CSMD1: variants seen among roughly 807,000 people sequenced by gnomAD.
The protein encoded by CSMD1 is CUB and sushi domain-containing protein 1.
A neutral mutation model predicts 417.5 loss-of-function variants in CSMD1; 213 were observed. That is an observed-to-expected ratio of 0.51 (90% CI 0.46 to 0.57). The LOEUF is 0.57. CSMD1 is among the 20% of genes least tolerant of loss of function. The pLI, the probability that CSMD1 is intolerant of heterozygous loss-of-function variation, is 0.00. For missense variants in CSMD1, 6,923 were observed against 4,529.7 expected, an observed-to-expected ratio of 1.53 and a Z score of -15.17; for synonymous variants, 2,862 against 1,736.8, an observed-to-expected ratio of 1.65 and a Z score of -16.11.
At position 4,869,645 on chromosome 8, in the gene CSMD1, C is replaced by T. The variant is rs912590009; in HGVS notation, c.85+124687G>A. Among the ~76,000 whole-genome samples the T allele has an allele frequency of 3.3e-5, 5 of 151,854 alleles. No individual in the cohort carries two copies. The East Asian group carries it at 9.6e-4, about 29-fold the overall frequency. ...TATGAATTTCTTCTTATATTCTCTGCTAATACAGATTTTTAAAAAACATTA... is the reference window on the plus strand; with the variant it reads ...TATGAATTTCTTCTTATATTCTCTGTTAATACAGATTTTTAAAAAACATTA... On this transcript the variant is annotated intron_variant, in intron 1 of 69. Coordinates refer to ENST00000635120, the MANE Select transcript of CSMD1 (RefSeq NM_033225.6).
intron 18 of CSMD1, among the ~76,000 whole-genome samples, chr8:3,383,150 A>C (rs7832316): frequency 0.48 from 72,964 of 152,048 alleles, 17,720 homozygotes; most frequent in Middle Eastern, 0.51. Context: ...TTAAAAGATA[A>C]ACATAAGTTT....
At chr8:4,186,832 C>T (rs1283954483) in intron 3 of CSMD1, among the ~76,000 whole-genome samples, 1 of 41,684 alleles carries the variant, frequency 2.4e-5, no homozygotes, top group Non-Finnish European at 5.5e-5. Context: ...ACTAAAAATA[C>T]AGAAAAAAAA....
At chr8:4,035,826 C>G (rs1010884193) in intron 3 of CSMD1, among the ~76,000 whole-genome samples, 3 of 152,062 alleles carry the variant, frequency 2.0e-5, no homozygotes, top group African/African-American at 7.2e-5. Context: ...ATTTAGTGTA[C>G]TCTAAGTGTA....
chr8:3,848,351 G>C (rs192333998), intron 5 of CSMD1, among the ~76,000 whole-genome samples: 6 of 151,940 alleles, frequency 3.9e-5, no homozygotes, highest in Non-Finnish European at 7.4e-5. Flanking sequence ...TTATTAAAGA[G>C]AGTAACTAGA....
intron 12 of CSMD1, among the ~76,000 whole-genome samples, chr8:3,409,967 C>T (rs1483210410): frequency 6.6e-6 from 1 of 152,160 alleles, no homozygotes; most frequent in Non-Finnish European, 1.5e-5. Context: ...CAACTATGTG[C>T]TTTTTGCTAT....
At chr8:3,005,826 GC>G (rs1331514055) in intron 52 of CSMD1, among the ~76,000 whole-genome samples, 1 of 152,078 alleles carries the variant, frequency 6.6e-6, no homozygotes, top group Non-Finnish European at 1.5e-5. Flanking sequence ...TACTGAATGG[GC>G]AAAAACTGGA....
chr8:4,482,121 C>T (rs1801132373), intron 2 of CSMD1, among the ~76,000 whole-genome samples: 1 of 152,082 alleles, frequency 6.6e-6, no homozygotes, highest in African/African-American at 2.4e-5. Flanking sequence ...CTTTTAAGTT[C>T]AGGGGTACAT....
chr8:4,181,200 A>T (rs1032333882), intron 3 of CSMD1, among the ~76,000 whole-genome samples: 7 of 152,170 alleles, frequency 4.6e-5, no homozygotes, highest in African/African-American at 1.7e-4. Context: ...TAGACATCCC[A>T]TATAGCACCG....
intron 7 of CSMD1, among the ~76,000 whole-genome samples, chr8:3,637,009 C>G (rs555892197): frequency 1.3e-5 from 2 of 152,250 alleles, no homozygotes; most frequent in South Asian, 4.2e-4. Flanking sequence ...TGTTGCCCAT[C>G]TGCCTTCCAC....
intron 1 of CSMD1, among the ~76,000 whole-genome samples, chr8:4,903,232 C>T (rs568647838): frequency 6.6e-6 from 1 of 152,160 alleles, no homozygotes; most frequent in Non-Finnish European, 1.5e-5. Flanking sequence ...CAACCCTGCA[C>T]TTACAGCCAG....
intron 1 of CSMD1, among the ~76,000 whole-genome samples, chr8:4,742,247 GTCTCGAT>G (rs1810663570): frequency 6.6e-6 from 1 of 150,970 alleles, no homozygotes; most frequent in African/African-American, 2.4e-5. Flanking sequence ...AGCCAGGATG[GTCTCGAT>G]CTCCTGACCT....
At position 3,003,141 on chromosome 8, in the gene CSMD1, G is replaced by A. The variant is rs183912187; in HGVS notation, c.8030-3010C>T. 1.5e-3 allele frequency among the ~76,000 whole-genome samples: 227 copies of A among 152,186 alleles called. 4 individuals carry two copies. Among genetic ancestry groups the A allele is most frequent in the Non-Finnish European group, 1.5e-3 (102 of 68,016 alleles). ...CAATTATAGTCTATTACAAATAGAG[G>A]ATAACCACACAATTTCACTCACAGA... is the stretch of plus-strand genomic sequence containing the variant. On this transcript the variant is annotated intron_variant, in intron 52 of 69. Transcript: ENST00000635120.
intron 3 of CSMD1, among the ~76,000 whole-genome samples, chr8:4,046,017 C>G (rs1585199112): frequency 6.6e-6 from 1 of 152,034 alleles, no homozygotes. Flanking sequence ...CAATTGTATT[C>G]AAATATAAAA....
chr8:3,333,017 C>T (rs1356947875), intron 23 of CSMD1, among the ~76,000 whole-genome samples: 3 of 152,142 alleles, frequency 2.0e-5, no homozygotes, highest in Non-Finnish European at 2.9e-5. Context: ...GGTGAGGGCT[C>T]CCCATGGCTT....
At chr8:4,786,620 G>T (rs1025398248) in intron 1 of CSMD1, among the ~76,000 whole-genome samples, 1 of 152,210 alleles carries the variant, frequency 6.6e-6, no homozygotes, top group Non-Finnish European at 1.5e-5. Flanking sequence ...GATGATGCTT[G>T]AATCTCTCTC....
chr8:3,487,404 T>G (rs939957310), intron 11 of CSMD1, among the ~76,000 whole-genome samples: 1 of 152,164 alleles, frequency 6.6e-6, no homozygotes, highest in Non-Finnish European at 1.5e-5. Flanking sequence ...GGTTTCACCA[T>G]GTTAGCCAGG....
At chr8:3,298,116 T>C (rs547598070) in intron 25 of CSMD1, among the ~76,000 whole-genome samples, 73 of 152,248 alleles carry the variant, frequency 4.8e-4, no homozygotes, top group African/African-American at 1.6e-3. Flanking sequence ...GTTCCTGAAA[T>C]TCTCTCATAT....
intron 8 of CSMD1, among the ~76,000 whole-genome samples, chr8:3,590,179 T>C (rs1277402589): frequency 1.3e-5 from 2 of 152,176 alleles, no homozygotes; most frequent in Non-Finnish European, 2.9e-5. Flanking sequence ...CTATGATCTA[T>C]CTATATTTAT....
chr8:3,520,502 T>C (rs185860735), intron 10 of CSMD1, among the ~76,000 whole-genome samples: 33 of 152,300 alleles, frequency 2.2e-4, no homozygotes, highest in African/African-American at 7.0e-4. Context: ...AAATGTTTAT[T>C]ATCTTGTCAA....
Sources: gnomAD v4.1 joint callset for allele counts (sites outside exome capture counted in the v4.1 genomes callset) on GRCh38, gnomAD v4.1.1 for gene constraint, MANE v1.5 for transcripts, NCBI Gene and HGNC (gene_info 2026-07-23, HGNC 2026-07-21) for gene names.